ADGRA3: variants seen among roughly 807,000 people sequenced by gnomAD.
ADGRA3 encodes adhesion G protein-coupled receptor A3.
A neutral mutation model predicts 119.8 loss-of-function variants in ADGRA3; 56 were observed. That is an observed-to-expected ratio of 0.47 (90% CI 0.38 to 0.58). The LOEUF (loss-of-function observed/expected upper bound fraction) is 0.58. Ranked by LOEUF, ADGRA3 falls within the 20% of genes least tolerant of loss-of-function variation. ADGRA3 has a pLI of 0.00. For missense variants in ADGRA3, 1,516 were observed against 1,649.0 expected, an observed-to-expected ratio of 0.92 and a Z score of 1.40; for synonymous variants, 607 against 623.8, an observed-to-expected ratio of 0.97 and a Z score of 0.40.
intron 1 of ADGRA3, among the ~76,000 whole-genome samples, chr4:22,483,105 C>T (rs1198677147): frequency 2.0e-5 from 3 of 152,204 alleles, no homozygotes; most frequent in Non-Finnish European, 1.5e-5. Context: ...CAGTCTCAGA[C>T]CTTTCCTTCC....
At chr4:22,436,924 C>A (rs993161406) in intron 8 of ADGRA3, among the ~76,000 whole-genome samples, 3 of 152,236 alleles carry the variant, frequency 2.0e-5, no homozygotes, top group South Asian at 2.1e-4. Flanking sequence ...ATTACAAAAA[C>A]CACATAAATA....
chr4:22,441,833 C>A (rs61588486), intron 7 of ADGRA3, among the ~76,000 whole-genome samples: 1,924 of 152,212 alleles, frequency 0.013, 37 homozygotes, highest in African/African-American at 0.043. Flanking sequence ...CATGAAATCT[C>A]AAGAAAAATT....
chr4:22,422,291 A>G (rs930001678), intron 11 of ADGRA3, among the ~76,000 whole-genome samples: 10 of 152,170 alleles, frequency 6.6e-5, no homozygotes, highest in East Asian at 1.9e-4. Flanking sequence ...GATGCTTACA[A>G]TCTATTAGGA....
Position 22,506,084 on chromosome 4 carries a change from C to T in ADGRA3, c.257+9444G>A, listed in dbSNP as rs576141434. ...TGTATGCAGGAAGGCACAGATTTAC[C>T]CTGGGACTCACCCCCTGCAGACAAA... On this transcript the variant is annotated intron_variant, in intron 1 of 18. Transcript: ENST00000334304. 9.2e-5 allele frequency among the ~76,000 whole-genome samples: 14 copies of T among 152,146 alleles called. 1 individual carries two copies. The highest frequency in any genetic ancestry group is 6.8e-3 in the Middle Eastern group (2 of 294).
chr4:22,480,847 A>G (rs1718238415), intron 1 of ADGRA3, among the ~76,000 whole-genome samples: 1 of 152,144 alleles, frequency 6.6e-6, no homozygotes, highest in Non-Finnish European at 1.5e-5. Context: ...CACTTTAGGT[A>G]TTCACACAGA....
intron 1 of ADGRA3, among the ~76,000 whole-genome samples, chr4:22,507,513 A>T (rs767899872): frequency 6.6e-5 from 10 of 152,176 alleles, no homozygotes; most frequent in Non-Finnish European, 7.3e-5. Context: ...TTTTTAAACC[A>T]TCTTTACAGG....
chr4:22,496,421 A>G (rs1331041537), intron 1 of ADGRA3, among the ~76,000 whole-genome samples: 2 of 152,152 alleles, frequency 1.3e-5, no homozygotes, highest in Admixed American at 1.3e-4. Flanking sequence ...GATCTGGCAC[A>G]CTCGGCAAAC....
chr4:22,473,634 T>C (rs1717932533), intron 2 of ADGRA3, 138 bp downstream of exon 2: 4 of 548,684 alleles, frequency 7.3e-6, no homozygotes, highest in Non-Finnish European at 6.3e-6. Context: ...GTTCTTAAAA[T>C]TTTTCATTAA....
chr4:22,428,091 C>T (rs900192034), intron 10 of ADGRA3, among the ~76,000 whole-genome samples: 2 of 152,128 alleles, frequency 1.3e-5, no homozygotes, highest in Non-Finnish European at 2.9e-5. Context: ...TAATTTAATA[C>T]ATTTCTGATG....
chr4:22,429,811 A>T (rs969628574), intron 10 of ADGRA3, among the ~76,000 whole-genome samples: 3 of 152,182 alleles, frequency 2.0e-5, no homozygotes, highest in African/African-American at 7.2e-5. Context: ...ATCACAGTTA[A>T]GGATACATTA....
intron 16 of ADGRA3, chr4:22,397,964 T>TCCGAAA (rs1156645692): frequency 4.3e-6 from 2 of 469,268 alleles, no homozygotes. Flanking sequence ...GAACAGAATC[T>TCCGAAA]CCGAAACAGT....
Position 22,515,794 on chromosome 4 carries a change from C to T in ADGRA3, c.-10G>A. 3.0e-6 allele frequency: 3 copies of T among 996,714 alleles called. No homozygotes were observed. Among genetic ancestry groups the T allele is most frequent in the Non-Finnish European group, 3.6e-6 (3 of 840,992 alleles). The allele number at this position is 996,714 out of a possible 1,614,324, so 61.7% of individuals were successfully genotyped here. A position where few individuals can be genotyped will look rare whatever the true frequency, so the allele number is the denominator to read the frequency against. ...GTCCGGGTGGCTCCATGCTGCGGGC[C>T]GGGGCCTGCGGGGCGAGCGGCGGCG... On this transcript the variant is annotated 5_prime_UTR_variant, in exon 1 of 19. Coordinates refer to ENST00000334304, the MANE Select transcript of ADGRA3 (RefSeq NM_145290.4).
In ADGRA3 at chr4:22,473,767, C is replaced by T; in HGVS notation, c.329+5G>A. The T allele has an allele frequency of 6.5e-7, 1 of 1,542,510 alleles. No individual in the cohort carries two copies. The highest frequency in any genetic ancestry group is 8.9e-7 in the Non-Finnish European group (1 of 1,123,560). On this transcript the variant is annotated splice_donor_5th_base_variant and intron_variant, in intron 2 of 18. Transcript: ENST00000334304. ...ATAATGAGATGATAATTAAAGAATA[C>T]TCACAATCTTTCAAGGAGACTTAAC...
chr4:22,420,542 C>T, intron 12 of ADGRA3: 1 of 346,952 alleles, frequency 2.9e-6, no homozygotes, highest in Non-Finnish European at 5.2e-6. Flanking sequence ...ATCTTATTGT[C>T]TTAAAATCAG....
chr4:22,432,037 T>C (rs1203474680), intron 10 of ADGRA3, among the ~76,000 whole-genome samples: 2 of 152,084 alleles, frequency 1.3e-5, no homozygotes, highest in African/African-American at 4.8e-5. Context: ...TTGAAAACTG[T>C]TGAAGCCAAG....
At chr4:22,455,022 C>A in intron 3 of ADGRA3, 85 bp from the exon 4 acceptor site, 1 of 882,476 alleles carries the variant, frequency 1.1e-6, no homozygotes, top group South Asian at 1.3e-5. Context: ...GAACAGCACC[C>A]AGGTATCGCA....
At chr4:22,477,243 A>C (rs1718082077) in intron 1 of ADGRA3, among the ~76,000 whole-genome samples, 1 of 152,180 alleles carries the variant, frequency 6.6e-6, no homozygotes, top group Non-Finnish European at 1.5e-5. Context: ...AAAGTAGTGC[A>C]AATAACAATG....
chr4:22,395,617 T>C (rs964781826), intron 16 of ADGRA3, among the ~76,000 whole-genome samples: 1 of 152,168 alleles, frequency 6.6e-6, no homozygotes, highest in Non-Finnish European at 1.5e-5. Context: ...GCCCTTGCCC[T>C]TTCTTCTCCC....
intron 2 of ADGRA3, 51 bp downstream of exon 2, chr4:22,473,721 G>T: frequency 2.0e-6 from 2 of 1,007,546 alleles, no homozygotes; most frequent in Non-Finnish European, 1.5e-6. Flanking sequence ...GATTTACAAT[G>T]AAAATGCATT....
Sources: allele counts gnomAD v4.1 joint callset (sites outside exome capture counted in the v4.1 genomes callset), GRCh38; gene constraint gnomAD v4.1.1; transcripts MANE v1.5; gene names NCBI Gene and HGNC (gene_info 2026-07-23, HGNC 2026-07-21).